The following GREB1L variants were observed in gnomAD, a reference collection of about 807,000 sequenced individuals.
GREB1L encodes GREB1 like retinoic acid receptor coactivator.
In GREB1L, 17 loss-of-function variants were observed where a neutral mutation model predicts 200.8. That is an observed-to-expected ratio of 0.08 (90% CI 0.06 to 0.13). The LOEUF (loss-of-function observed/expected upper bound fraction) is 0.13, where lower values mean the gene tolerates loss of function less well. Among genes scored for constraint, GREB1L ranks in the 10% least tolerant of loss-of-function variants. The probability of loss-of-function intolerance (pLI) is 1.00; values close to 1 mark genes in which losing one functional copy is unlikely to be tolerated. For synonymous variants in GREB1L, 789 were observed against 893.0 expected (o/e 0.88, Z 2.08); for missense variants, 1,657 against 2,367.7 (o/e 0.70, Z 6.23).
intron 1 of GREB1L, among the ~76,000 whole-genome samples, chr18:21,288,964 C>A (rs1250330730): frequency 2.6e-5 from 4 of 152,098 alleles, no homozygotes; most frequent in Non-Finnish European, 5.9e-5. Context: ...TCTGTAACTC[C>A]TGACCTCATG....
At chr18:21,327,188 AG>A (rs2039035379) in intron 1 of GREB1L, among the ~76,000 whole-genome samples, 1 of 152,224 alleles carries the variant, frequency 6.6e-6, no homozygotes, top group Non-Finnish European at 1.5e-5. Flanking sequence ...TCCAGGTGTT[AG>A]TAACACAAGG....
intron 1 of GREB1L, among the ~76,000 whole-genome samples, chr18:21,268,556 C>T (rs1420118261): frequency 1.1e-3 from 105 of 95,676 alleles, no homozygotes; most frequent in African/African-American, 1.2e-3. Flanking sequence ...CACACACACA[C>T]ACACATATAT....
chr18:21,444,445 CT>C, intron 11 of GREB1L, 36 bp downstream of exon 11: 1 of 1,486,766 alleles, frequency 6.7e-7, no homozygotes, highest in Non-Finnish European at 9.1e-7. Context: ...CTGGTGACTA[CT>C]TTTGAGGATT....
Position 21,499,917 on chromosome 18 carries a change from G to C in GREB1L, c.3580G>C (p.Ala1194Pro). The change falls in exon 22 of 33, where the codon GCG (alanine) becomes CCG (proline). Residue 1194 changes from alanine to proline, a missense_variant. Around this residue, in one of 9 missense-constraint regions of GREB1L, gnomAD observed 512 missense variants for 668.3 expected, o/e 0.77. Coordinates refer to ENST00000424526, the MANE Select transcript of GREB1L (RefSeq NM_001142966.3). The part of the protein sequence containing the change: ...QECDSLGPQM[A>P]SSTTSKPSSS... ...ATGTGACTCCCTGGGCCCCCAGATG[G>C]CGAGCAGCACCACCTCCAAGCCGTC... 1 of 1,549,846 alleles carries C rather than the reference G, an allele frequency of 6.5e-7. No homozygotes were observed. Among genetic ancestry groups the C allele is most frequent in the Non-Finnish European group, 8.7e-7 (1 of 1,146,154 alleles).
At chr18:21,303,319 A>G (rs1598643034) in intron 1 of GREB1L, among the ~76,000 whole-genome samples, 1 of 152,240 alleles carries the variant, frequency 6.6e-6, no homozygotes, top group Non-Finnish European at 1.5e-5. Context: ...CACAGAAATC[A>G]CCAACTAATC....
At chr18:21,272,257 G>T (rs1442015477) in intron 1 of GREB1L, among the ~76,000 whole-genome samples, 1 of 152,194 alleles carries the variant, frequency 6.6e-6, no homozygotes, top group Non-Finnish European at 1.5e-5. Flanking sequence ...TAGACTTCAA[G>T]ATTGCTGTGG....
chr18:21,407,081 G>A (rs1256553127), intron 7 of GREB1L, among the ~76,000 whole-genome samples: 1 of 151,942 alleles, frequency 6.6e-6, no homozygotes, highest in Admixed American at 6.6e-5. Context: ...CTTCATGTTG[G>A]TCAGGCTGGT....
intron 1 of GREB1L, among the ~76,000 whole-genome samples, chr18:21,354,639 A>C (rs1432563329): frequency 6.6e-6 from 1 of 152,234 alleles, no homozygotes; most frequent in Non-Finnish European, 1.5e-5. Flanking sequence ...ACAAGGTTCT[A>C]TGAGAGCTTT....
intron 2 of GREB1L, among the ~76,000 whole-genome samples, chr18:21,379,406 A>G (rs906429689): frequency 2.0e-5 from 3 of 152,080 alleles, no homozygotes; most frequent in Non-Finnish European, 2.9e-5. Context: ...GGGTTTCTCC[A>G]TGTTGGTCAG....
intron 16 of GREB1L, among the ~76,000 whole-genome samples, chr18:21,474,833 C>T (rs536622672): frequency 5.9e-5 from 9 of 152,256 alleles, no homozygotes; most frequent in South Asian, 4.1e-4. Flanking sequence ...ATTAAGATTC[C>T]GCTCCTTGTT....
chr18:21,473,070 C>T lies in GREB1L; in HGVS notation c.2222C>T (p.Ala741Val). The change falls in exon 16 of 33, where the codon GCC becomes GTC. Residue 741 changes from alanine to valine, a missense_variant. Coordinates refer to ENST00000424526, the MANE Select transcript of GREB1L (RefSeq NM_001142966.3). ...VDLGLEENGT[A>V]HQRAEKYVVR... ...TTGGGTCTGGAGGAAAATGGGACAG[C>T]CCATCAGAGAGCAGAAAAATATGTT... The T allele has an allele frequency of 6.5e-7, 1 of 1,548,558 alleles. No individual in the cohort carries two copies. The highest frequency in any genetic ancestry group is 8.7e-7 in the Non-Finnish European group (1 of 1,145,552).
chr18:21,507,955 T>G (rs1166177814), intron 25 of GREB1L, among the ~76,000 whole-genome samples, 163 bp from the exon 26 acceptor site: 3 of 152,206 alleles, frequency 2.0e-5, no homozygotes, highest in Admixed American at 6.5e-5. Flanking sequence ...ATGAAGTGTT[T>G]GCCTTATCAA....
chr18:21,502,895 C>T (rs1470989520), intron 23 of GREB1L, among the ~76,000 whole-genome samples: 2 of 152,208 alleles, frequency 1.3e-5, no homozygotes, highest in Non-Finnish European at 1.5e-5. Flanking sequence ...TGCCGGTGAG[C>T]TGTGAGAGTC....
chr18:21,487,609 G>C (rs967253781), intron 18 of GREB1L, among the ~76,000 whole-genome samples: 1 of 152,172 alleles, frequency 6.6e-6, no homozygotes, highest in Non-Finnish European at 1.5e-5. Context: ...GCTAGAGGCT[G>C]GATAAAATCT....
chr18:21,279,300 TC>T, intron 1 of GREB1L, among the ~76,000 whole-genome samples: 1 of 152,272 alleles, frequency 6.6e-6, no homozygotes, highest in East Asian at 1.9e-4. Context: ...TGAATATTTT[TC>T]TGTGATGTTA....
intron 17 of GREB1L, among the ~76,000 whole-genome samples, chr18:21,479,916 T>C (rs1173713676): frequency 1.3e-5 from 2 of 152,076 alleles, no homozygotes; most frequent in Admixed American, 1.3e-4. Context: ...ATTTTAAAAA[T>C]ATTCTGTAGA....
At chr18:21,304,605 G>A (rs998063220) in intron 1 of GREB1L, among the ~76,000 whole-genome samples, 2 of 152,088 alleles carry the variant, frequency 1.3e-5, no homozygotes, top group African/African-American at 2.4e-5. Flanking sequence ...ATACAAATAG[G>A]TATCTGACAT....
At chr18:21,383,996 G>C (rs2040432850) in intron 3 of GREB1L, among the ~76,000 whole-genome samples, 1 of 152,178 alleles carries the variant, frequency 6.6e-6, no homozygotes. Flanking sequence ...TTACAGGCAT[G>C]AGCCACTGCA....
rs1163626224 is a variant in GREB1L, at chr18:21,256,277, G to A, written c.-120+13884G>A. On this transcript the variant is annotated intron_variant, in intron 1 of 32. Coordinates refer to ENST00000424526, the MANE Select transcript of GREB1L (RefSeq NM_001142966.3). ...ACTAGAGAATTCAGGTAGCTGTTCT[G>A]GCTGCTCTACTTTGATGATTTAATA... Among the ~76,000 whole-genome samples, 27 of 152,154 alleles carry A rather than the reference G, an allele frequency of 1.8e-4. 1 individual carries two copies. The highest frequency in any genetic ancestry group is 2.4e-4 in the Non-Finnish European group (16 of 68,042).
Sources: allele counts gnomAD v4.1 joint callset (sites outside exome capture counted in the v4.1 genomes callset), GRCh38; gene constraint gnomAD v4.1.1; regional missense constraint gnomAD v4.1.1; transcripts MANE v1.5; gene names NCBI Gene and HGNC (gene_info 2026-07-23, HGNC 2026-07-21).